The following KRT73 variants were observed in gnomAD, a reference collection of about 807,000 sequenced individuals.
The protein encoded by KRT73 is keratin, type II cytoskeletal 73.
Under a neutral mutation model 47.2 loss-of-function variants are expected in KRT73, and 44 were observed. The ratio of observed to expected loss-of-function variants is 0.93; its 90% confidence interval spans 0.73 to 1.20. The LOEUF is 1.20. Ranked by LOEUF, KRT73 falls within the 50% of genes most tolerant of loss-of-function variation. KRT73 has a pLI of 0.00. For synonymous variants in KRT73, 285 were observed against 291.3 expected (o/e 0.98, Z 0.22); for missense variants, 713 against 704.5 (o/e 1.01, Z -0.14).
the KRT73 span, among the ~76,000 whole-genome samples, chr12:52,629,867 C>T: frequency 6.6e-6 from 1 of 152,188 alleles, no homozygotes; most frequent in East Asian, 1.9e-4. Flanking sequence ...TCCCCTTGCT[C>T]ACCCTCCCAA....
chr12:52,612,621 C>T (rs7975662), intron 5 of KRT73: 38,643 of 152,166 alleles, frequency 0.25, 5,662 homozygotes, highest in South Asian at 0.37. Context: ...GATGCCTCCC[C>T]GTACACTGGT....
chr12:52,610,803 G>A lies in KRT73; in HGVS notation c.1143C>T (p.Ala381=), dbSNP rs186625879. 89 of 1,613,142 alleles carry A rather than the reference G, an allele frequency of 5.5e-5. No homozygotes were observed. The African/African-American group carries it at 6.5e-4, about 12-fold the overall frequency. The part of the protein sequence containing the change: ...CANLETAIAD[A]EQRGDCALKD... Reference sequence around the variant, plus strand: ...TGAGGGCACAGTCCCCCCGCTGCTCGGCGTCAGCGATGGCCGTCTCCAGGT... The same window carrying A: ...TGAGGGCACAGTCCCCCCGCTGCTCAGCGTCAGCGATGGCCGTCTCCAGGT... The change falls in exon 7 of 9, where the codon GCC becomes GCT. Residue 381 remains alanine, a synonymous_variant. Transcript: ENST00000305748.
rs191737551 is a variant in KRT73, at chr12:52,610,476, G to C, written c.1331+139C>G. 8.0e-4 allele frequency: 629 copies of C among 781,458 alleles called. 4 individuals carry two copies. The African/African-American group carries it at 9.3e-3, about 12-fold the overall frequency. 48.4% of individuals were successfully genotyped at this position (781,458 alleles called of 1,614,324 possible). On this transcript the variant is annotated intron_variant, in intron 7 of 8. Coordinates refer to ENST00000305748, the MANE Select transcript of KRT73 (RefSeq NM_175068.3). ...AAATTGCTGTCACATTATCTGGCAG[G>C]ATGCTGTTTGAAACTATGCTTGTGG...
chr12:52,619,892 T>C (rs1364396690), upstream of KRT73, among the ~76,000 whole-genome samples: 3 of 152,162 alleles, frequency 2.0e-5, no homozygotes, highest in African/African-American at 4.8e-5. Context: ...AGTTGGCCCA[T>C]CCTTCTTTTC....
chr12:52,608,567 C>T (rs1299031258), intron 8 of KRT73, 115 bp from the exon 9 acceptor site: 5 of 909,990 alleles, frequency 5.5e-6, no homozygotes, highest in Non-Finnish European at 7.9e-6. Flanking sequence ...TAAGCAAACA[C>T]TTCCCATCAA....
At chr12:52,617,543 G>C in intron 1 of KRT73, among the ~76,000 whole-genome samples, 1 of 151,940 alleles carries the variant, frequency 6.6e-6, no homozygotes, top group East Asian at 1.9e-4. Context: ...TGTGTGTTAC[G>C]GACTGAGTCT....
chr12:52,616,377 G>C lies in KRT73; in HGVS notation c.451C>G (p.Arg151Gly). The C allele has an allele frequency of 6.2e-7, 1 of 1,614,150 alleles. No homozygotes were observed. The highest frequency in any genetic ancestry group is 2.2e-5 in the East Asian group (1 of 44,874). ...NKFASFIDKV[R>G]FLEQQNQVLE... ...ACCTGGTTCTGCTGCTCCAGGAACC[G>C]CACCTGGAACCCATGCCACACATAC... is the stretch of plus-strand genomic sequence containing the variant. The change falls in exon 2 of 9, where the codon CGG becomes GGG. Residue 151 changes from arginine to glycine, a missense_variant. By Grantham distance (125) the Arg-to-Gly change is moderately radical. Coordinates refer to ENST00000305748, the MANE Select transcript of KRT73 (RefSeq NM_175068.3).
At chr12:52,629,685 T>C in the KRT73 span, among the ~76,000 whole-genome samples, 1 of 152,356 alleles carries the variant, frequency 6.6e-6, no homozygotes, top group African/African-American at 2.4e-5. Flanking sequence ...TTCTCTAGAT[T>C]GCCTGTTCGC....
intron 5 of KRT73, chr12:52,612,522 G>A (rs1042319521): frequency 5.3e-5 from 8 of 152,204 alleles, no homozygotes; most frequent in Admixed American, 2.0e-4. Context: ...AGGCAGAAGG[G>A]CTTCTCTCTT....
At chr12:52,628,071 G>T in the KRT73 span, among the ~76,000 whole-genome samples, 7 of 103,138 alleles carry the variant, frequency 6.8e-5, no homozygotes, top group African/African-American at 2.9e-4. Flanking sequence ...AGAGGGTAAG[G>T]TGGGAGTGGG....
upstream of KRT73, among the ~76,000 whole-genome samples, chr12:52,621,097 C>T (rs974337878): frequency 6.6e-6 from 1 of 152,140 alleles, no homozygotes; most frequent in Admixed American, 6.5e-5. Flanking sequence ...TGAAATGCCT[C>T]TAAGTGGGTT....
chr12:52,615,055 T>G, intron 3 of KRT73: 1 of 536,740 alleles, frequency 1.9e-6, no homozygotes, highest in South Asian at 2.9e-5. Context: ...GGGACATGAG[T>G]TGGGACTGAC....
intron 7 of KRT73, among the ~76,000 whole-genome samples, chr12:52,609,580 G>C (rs1940652757): frequency 6.6e-6 from 1 of 152,190 alleles, no homozygotes; most frequent in South Asian, 2.1e-4. Context: ...ACTGTGAGCA[G>C]CTGTCTGAAT....
chr12:52,622,502 A>C (rs1385447607), upstream of KRT73, among the ~76,000 whole-genome samples: 1 of 152,250 alleles, frequency 6.6e-6, no homozygotes, highest in Non-Finnish European at 1.5e-5. Flanking sequence ...TGGGGGCAGA[A>C]GAAGGAGACA....
At chr12:52,618,956 G>A (rs1309559597), upstream of KRT73, among the ~76,000 whole-genome samples, 2 of 152,186 alleles carry the variant, frequency 1.3e-5, no homozygotes, top group Non-Finnish European at 2.9e-5. Flanking sequence ...CATCAGATGG[G>A]CTGCTTCAGG....
chr12:52,617,989 A>G, intron 1 of KRT73, 89 bp downstream of exon 1: 1 of 1,386,142 alleles, frequency 7.2e-7, no homozygotes, highest in Non-Finnish European at 9.9e-7. Context: ...TCTTGCTCTC[A>G]GGCAAATTGA....
At chr12:52,611,782 C>A (rs73320393) in intron 5 of KRT73, among the ~76,000 whole-genome samples, 2,799 of 152,240 alleles carry the variant, frequency 0.018, 84 homozygotes, top group African/African-American at 0.065. Flanking sequence ...TGAGTCTTTG[C>A]CTGAGCCTCT....
In KRT73 at chr12:52,611,187, G is replaced by T. The variant is rs1157998947; in HGVS notation, c.1110+17C>A. 5.0e-6 allele frequency: 8 copies of T among 1,613,860 alleles called. No homozygotes were observed. Among genetic ancestry groups the T allele is most frequent in the Non-Finnish European group, 6.8e-6 (8 of 1,179,952 alleles). On this transcript the variant is annotated intron_variant, in intron 6 of 8. Transcript: ENST00000305748. The stretch of plus-strand genomic sequence containing the variant: ...CCTCCCTTAGGAGTGAGTAAGGAAG[G>T]CTCCAGTCCCCTTCACCTGCTTCTT...
At chr12:52,625,757 C>A in the KRT73 span, among the ~76,000 whole-genome samples, 220 of 152,182 alleles carry the variant, frequency 1.4e-3, 9 homozygotes, top group East Asian at 0.035. Flanking sequence ...GGGTGGCAAA[C>A]CGTGGTACAT....
Sources: gnomAD v4.1 joint callset for allele counts (sites outside exome capture counted in the v4.1 genomes callset) on GRCh38, gnomAD v4.1.1 for gene constraint, MANE v1.5 for transcripts, NCBI Gene and HGNC (gene_info 2026-07-23, HGNC 2026-07-21) for gene names.